Variants in NT5DC1 observed in about 807,000 individuals in gnomAD.
NT5DC1 encodes the protein 5'-nucleotidase domain containing 1.
In NT5DC1, 42 loss-of-function variants were observed where a neutral mutation model predicts 59.4. The ratio of observed to expected loss-of-function variants is 0.71; its 90% confidence interval spans 0.55 to 0.92. The LOEUF is 0.92. Among genes scored for constraint, NT5DC1 ranks in the 40% least tolerant of loss-of-function variants. NT5DC1 has a pLI of 0.00. For missense variants in NT5DC1, 501 were observed against 537.1 expected (o/e 0.93, Z 0.66); for synonymous variants, 172 against 188.1 (o/e 0.91, Z 0.70).
chr6:116,178,145 G>A, intron 6 of NT5DC1, among the ~76,000 whole-genome samples: 1 of 151,238 alleles, frequency 6.6e-6, no homozygotes, highest in Non-Finnish European at 1.5e-5. Context: ...TTACTAGTGG[G>A]ACTGGGTCTA....
chr6:116,123,614 ACT>A (rs879309239), intron 6 of NT5DC1, among the ~76,000 whole-genome samples: 1 of 151,998 alleles, frequency 6.6e-6, no homozygotes, highest in Admixed American at 6.6e-5. Context: ...TTATGTAATA[ACT>A]CTTTGAATTC....
At chr6:116,141,172 G>A (rs760775267) in intron 6 of NT5DC1, among the ~76,000 whole-genome samples, 1 of 151,966 alleles carries the variant, frequency 6.6e-6, no homozygotes, top group African/African-American at 2.4e-5. Flanking sequence ...TGATTCGAAT[G>A]ATGGTGAGCA....
chr6:116,119,017 G>A (rs1006965266), intron 6 of NT5DC1: 4 of 152,614 alleles, frequency 2.6e-5, no homozygotes, highest in East Asian at 1.9e-4. Context: ...AATTAATTCA[G>A]CCTAAAAATC....
chr6:116,107,734 G>T (rs998900001), intron 2 of NT5DC1, among the ~76,000 whole-genome samples: 38 of 151,736 alleles, frequency 2.5e-4, no homozygotes, highest in African/African-American at 8.5e-4. Flanking sequence ...CACTACGCCC[G>T]GCTAATTTTT....
chr6:116,181,704 T>C (rs1436363858), intron 6 of NT5DC1, among the ~76,000 whole-genome samples: 4 of 151,982 alleles, frequency 2.6e-5, no homozygotes, highest in African/African-American at 9.7e-5. Context: ...CAAAACCTAT[T>C]GCAAGCTTTC....
At chr6:116,196,780 C>G (rs575108453) in intron 6 of NT5DC1, among the ~76,000 whole-genome samples, 1 of 151,986 alleles carries the variant, frequency 6.6e-6, no homozygotes, top group East Asian at 1.9e-4. Flanking sequence ...CCACCTTTTC[C>G]TCTTCTACTT....
chr6:116,130,363 G>T (rs114068999), intron 6 of NT5DC1, among the ~76,000 whole-genome samples: 1 of 152,006 alleles, frequency 6.6e-6, no homozygotes, highest in African/African-American at 2.4e-5. Context: ...TCTTACTATT[G>T]TTCAGAATTT....
rs1782132304 is a variant in NT5DC1 at position 116,237,204 on chromosome 6, C to CA, written c.921+121dup. 4.5e-6 allele frequency: 3 copies of CA among 673,400 alleles called. No individual in the cohort carries two copies. The South Asian group carries it at 5.3e-5, about 12-fold the overall frequency. The allele number at this position is 673,400 out of a possible 1,614,324, so 41.7% of individuals were successfully genotyped here. On this transcript the variant is annotated intron_variant, in intron 9 of 11. Coordinates refer to ENST00000319550, the MANE Select transcript of NT5DC1 (RefSeq NM_152729.3). ...TAAGCCTTTCCTTTGTCAATGTAGA[C>CA]AGGCTGTCTATCTGTGATAGAGAGG...
intron 8 of NT5DC1, among the ~76,000 whole-genome samples, chr6:116,226,014 C>A (rs1380190190): frequency 2.0e-5 from 3 of 152,118 alleles, no homozygotes; most frequent in Admixed American, 2.0e-4. Flanking sequence ...AATTATCTAG[C>A]CCCAAATCTC....
At chr6:116,170,137 T>C (rs1231455676) in intron 6 of NT5DC1, among the ~76,000 whole-genome samples, 2 of 152,156 alleles carry the variant, frequency 1.3e-5, no homozygotes, top group African/African-American at 2.4e-5. Flanking sequence ...GAAGTGGATA[T>C]GGCCAGTGTC....
intron 6 of NT5DC1, among the ~76,000 whole-genome samples, chr6:116,124,960 G>A (rs1779248929): frequency 6.6e-6 from 1 of 152,092 alleles, no homozygotes; most frequent in Admixed American, 6.6e-5. Flanking sequence ...AAATAAACCA[G>A]CTACCTTCTT....
intron 6 of NT5DC1, among the ~76,000 whole-genome samples, chr6:116,134,110 G>C (rs557068820): frequency 6.6e-6 from 1 of 152,280 alleles, no homozygotes; most frequent in South Asian, 2.1e-4. Flanking sequence ...ACACATAAGT[G>C]GCAAAACAGT....
Position 116,185,200 on chromosome 6 carries a change from A to G in NT5DC1, c.530-35854A>G, listed in dbSNP as rs570636154. On this transcript the variant is annotated intron_variant, in intron 6 of 11. Coordinates refer to ENST00000319550, the MANE Select transcript of NT5DC1 (RefSeq NM_152729.3). ...GGGTTCCTTTTGGAGTTGATTTCCA[A>G]TTTTATCCACTATGGTCTAAGAGAG... Among the ~76,000 whole-genome samples the G allele has an allele frequency of 7.2e-5, 11 of 152,100 alleles. No homozygotes were observed. In the South Asian group the frequency reaches 8.3e-4, roughly 11 times the overall value.
At position 116,221,097 on chromosome 6, in the gene NT5DC1, C is replaced by T. The variant is rs770956549; in HGVS notation, c.573C>T (p.Gly191=). 2 of 1,559,366 alleles carry T rather than the reference C, an allele frequency of 1.3e-6. No homozygotes were observed. Among genetic ancestry groups the T allele is most frequent in the Non-Finnish European group, 1.8e-6 (2 of 1,132,836 alleles). ...IYFPEIKRDP[G]RYLHSCPESV... The stretch of plus-strand genomic sequence containing the variant: ...TTCCAGAAATAAAAAGAGATCCAGG[C>T]AGATATTTACATAGTTGTCCTGAAT... Residue 191 remains glycine, a synonymous_variant, in exon 7 of 12, where the codon GGC becomes GGT. Transcript: ENST00000319550.
chr6:116,185,885 A>G (rs1461952482), intron 6 of NT5DC1, among the ~76,000 whole-genome samples: 1 of 152,016 alleles, frequency 6.6e-6, no homozygotes, highest in Non-Finnish European at 1.5e-5. Flanking sequence ...ATTGAGATGT[A>G]GCATACTATT....
At chr6:116,108,217 A>G (rs1778803806) in intron 2 of NT5DC1, 147 bp from the exon 3 acceptor site, 2 of 622,976 alleles carry the variant, frequency 3.2e-6, no homozygotes, top group African/African-American at 3.7e-5. Context: ...TACAGTTCTT[A>G]GATATTCTTA....
At chr6:116,123,290 T>C (rs1266489135) in intron 6 of NT5DC1, among the ~76,000 whole-genome samples, 1 of 152,212 alleles carries the variant, frequency 6.6e-6, no homozygotes, top group African/African-American at 2.4e-5. Flanking sequence ...CTTGGAATGT[T>C]GTCCTAATGG....
intron 6 of NT5DC1, among the ~76,000 whole-genome samples, chr6:116,146,716 T>TCATG (rs1423761842): frequency 1.3e-5 from 2 of 152,116 alleles, no homozygotes; most frequent in Admixed American, 6.5e-5. Context: ...TGTTTAAGTG[T>TCATG]CATGGTATTC....
At chr6:116,111,473 T>G (rs73772251) in intron 4 of NT5DC1, among the ~76,000 whole-genome samples, 7,707 of 152,278 alleles carry the variant, frequency 0.051, 317 homozygotes, top group African/African-American at 0.11. Context: ...ATGAAATGAT[T>G]TTTCAGAAAT....
Sources: allele counts gnomAD v4.1 joint callset (sites outside exome capture counted in the v4.1 genomes callset), GRCh38; gene constraint gnomAD v4.1.1; transcripts MANE v1.5; gene names NCBI Gene and HGNC (gene_info 2026-07-23, HGNC 2026-07-21).